Variants in TNIP3 observed in about 807,000 individuals in gnomAD.
The protein encoded by TNIP3 is TNFAIP3 interacting protein 3.
A neutral mutation model predicts 54.1 loss-of-function variants in TNIP3; 34 were observed. The ratio of observed to expected loss-of-function variants is 0.63; its 90% CI spans 0.48 to 0.84. The LOEUF is 0.84. Ranked by LOEUF, TNIP3 falls within the 40% of genes least tolerant of loss-of-function variation. The pLI, the probability that TNIP3 is intolerant of heterozygous loss-of-function variation, is 0.00. For synonymous variants in TNIP3, 134 were observed against 136.8 expected (o/e 0.98, Z 0.14); for missense variants, 366 against 387.6 (o/e 0.94, Z 0.47).
intron 2 of TNIP3, among the ~76,000 whole-genome samples, chr4:121,203,193 A>G (rs1725986704): frequency 6.6e-6 from 1 of 151,200 alleles, no homozygotes; most frequent in Admixed American, 6.6e-5. Flanking sequence ...CCATCAATCA[A>G]TGAGTGGATA....
At chr4:121,159,532 A>G (rs780079075) in intron 2 of TNIP3, among the ~76,000 whole-genome samples, 1 of 152,248 alleles carries the variant, frequency 6.6e-6, no homozygotes, top group Non-Finnish European at 1.5e-5. Context: ...CTTTTAAAGC[A>G]GAATTTATGC....
intron 10 of TNIP3, chr4:121,136,436 A>G (rs573070483): frequency 3.8e-4 from 58 of 152,268 alleles, no homozygotes; most frequent in African/African-American, 1.3e-3. Context: ...GCTAAATTTT[A>G]TTAACTGTGT....
At chr4:121,142,700 T>G in intron 8 of TNIP3, 26 bp downstream of exon 8, 2 of 1,589,238 alleles carry the variant, frequency 1.3e-6, no homozygotes, top group South Asian at 2.2e-5. Context: ...GGAATAAATG[T>G]ATGCGTGAAA....
At chr4:121,201,422 G>T (rs577548635) in intron 2 of TNIP3, among the ~76,000 whole-genome samples, 2 of 152,218 alleles carry the variant, frequency 1.3e-5, no homozygotes, top group East Asian at 3.9e-4. Context: ...GCATTATATT[G>T]TATGTCTCAA....
chr4:121,137,975 C>T (rs1286222266), intron 10 of TNIP3: 2 of 455,906 alleles, frequency 4.4e-6, no homozygotes, highest in Non-Finnish European at 8.8e-6. Flanking sequence ...TGGGTGGCCT[C>T]ACAAGACCAT....
chr4:121,163,973 G>A lies in TNIP3; in HGVS notation c.66+87C>T, dbSNP rs79785996. The stretch of plus-strand genomic sequence containing the variant: ...TAAAGAAAGCAAACTAGCCATTTCT[G>A]TTCTTATTAATAAGTGCACAATTAA... On this transcript the variant is annotated intron_variant, in intron 1 of 10. Transcript: ENST00000057513. 3.4e-6 allele frequency: 5 copies of A among 1,483,216 alleles called. No individual in the cohort carries two copies. In the African/African-American group the frequency reaches 4.2e-5, roughly 12 times the overall value. 91.9% of individuals were successfully genotyped at this position (1,483,216 alleles called of 1,614,324 possible).
At chr4:121,227,313 G>A in intron 1 of TNIP3, 9 of 1,396,160 alleles carry the variant, frequency 6.4e-6, no homozygotes, top group Middle Eastern at 1.8e-4. Flanking sequence ...TTTTAAAAAA[G>A]AAATTAAGTT....
At chr4:121,186,169 G>A (rs1188034742) in intron 2 of TNIP3, among the ~76,000 whole-genome samples, 1 of 152,184 alleles carries the variant, frequency 6.6e-6, no homozygotes, top group Non-Finnish European at 1.5e-5. Context: ...TTCAGCCACT[G>A]CAGAAAGAGG....
intron 1 of TNIP3, among the ~76,000 whole-genome samples, chr4:121,224,306 T>C (rs551609088): frequency 4.3e-4 from 65 of 151,514 alleles, no homozygotes; most frequent in Middle Eastern, 3.4e-3. Context: ...GAGGTTGCAG[T>C]GAGCAGAGAT....
intron 10 of TNIP3, among the ~76,000 whole-genome samples, chr4:121,135,276 A>C (rs976136291): frequency 3.3e-5 from 5 of 152,236 alleles, no homozygotes; most frequent in African/African-American, 1.2e-4. Context: ...GTAGCTCTCC[A>C]CTTATTCTTG....
intron 2 of TNIP3, among the ~76,000 whole-genome samples, chr4:121,199,699 G>A (rs1489201232): frequency 2.0e-5 from 3 of 152,202 alleles, no homozygotes; most frequent in African/African-American, 7.2e-5. Context: ...AGAGAAAGCT[G>A]ATCATGTAAA....
chr4:121,132,215 C>CAA lies in TNIP3; in HGVS notation c.*415_*416insTT, dbSNP rs2148789582. 1.5e-5 allele frequency: 1 copy of CAA among 65,930 alleles called. No homozygotes were observed. Among genetic ancestry groups the CAA allele is most frequent in the South Asian group, 3.9e-4 (1 of 2,542 alleles). The allele number at this position is 65,930 out of a possible 1,614,324, so 4.1% of individuals were successfully genotyped here. A position where few individuals can be genotyped will look rare whatever the true frequency, so the allele number is the denominator to read the frequency against. ...CTGCAGAAATTTTTACCCCAGGAAA[C>CAA]ACACACACACACACACACACACACA... On this transcript the variant is annotated 3_prime_UTR_variant, in exon 11 of 11. Coordinates refer to ENST00000057513, the MANE Select transcript of TNIP3 (RefSeq NM_024873.6).
rs966456108 is a variant in TNIP3 at position 121,169,962 on chromosome 4, G to A, written c.190-5816C>T. 4.6e-5 allele frequency among the ~76,000 whole-genome samples: 7 copies of A among 152,160 alleles called. No homozygotes were observed. In the East Asian group the frequency reaches 7.7e-4, roughly 17 times the overall value. On this transcript the variant is annotated intron_variant, in intron 3 of 12. Coordinates refer to the TNIP3 transcript ENST00000507879. Reference sequence around the variant, plus strand: ...AGAAGGCAAATTGGCTTTTGTTGACGAGTCTGCAGCCTCTACAAAACTGCA... The same window carrying A: ...AGAAGGCAAATTGGCTTTTGTTGACAAGTCTGCAGCCTCTACAAAACTGCA...
rs1726000749 is a variant in TNIP3 at position 121,203,257 on chromosome 4, A to ATAGT, written c.68+13157_68+13158insACTA. Among the ~76,000 whole-genome samples, 4 of 152,168 alleles carry ATAGT rather than the reference A, an allele frequency of 2.6e-5. No individual in the cohort carries two copies. The South Asian group carries it at 8.4e-4, about 32-fold the overall frequency. On this transcript the variant is annotated intron_variant, in intron 2 of 12. Coordinates refer to the TNIP3 transcript ENST00000507879. ...GATAGATAGATAGATAGATAGATAG[A>ATAGT]TAGAAAGATACCATGAAATACTATT...
At chr4:121,227,480 AAC>A (rs1727307658), upstream of TNIP3, 1 of 1,135,740 alleles carries the variant, frequency 8.8e-7, no homozygotes, top group East Asian at 2.6e-5. Flanking sequence ...ATCAAACAGT[AAC>A]TAAGTGGTTT....
intron 9 of TNIP3, among the ~76,000 whole-genome samples, chr4:121,139,573 G>A (rs958246705): frequency 2.0e-5 from 3 of 152,084 alleles, no homozygotes; most frequent in Non-Finnish European, 4.4e-5. Context: ...AATAACTTGA[G>A]GAAAATTTTT....
upstream of TNIP3, among the ~76,000 whole-genome samples, chr4:121,169,253 G>A (rs997061768): frequency 6.6e-6 from 1 of 152,002 alleles, no homozygotes; most frequent in Non-Finnish European, 1.5e-5. Flanking sequence ...GCCATGCCCT[G>A]GCCACACCGT....
At chr4:121,162,966 C>G (rs546621672) in intron 1 of TNIP3, among the ~76,000 whole-genome samples, 1 of 152,192 alleles carries the variant, frequency 6.6e-6, no homozygotes. Context: ...AGACAGTGTG[C>G]TTTTTGTTTG....
rs535458469 is a variant in TNIP3 at position 121,188,993 on chromosome 4, C to A, written c.69-6197G>T. Among the ~76,000 whole-genome samples, 3 of 152,232 alleles carry A rather than the reference C, an allele frequency of 2.0e-5. No homozygotes were observed. The South Asian group carries it at 6.2e-4, about 32-fold the overall frequency. ...ACTTGGTTTTTATGGTTACATGGTACGGTTGCCTCATTAGTATTGGCAAGT... is the reference window on the plus strand; with the variant it reads ...ACTTGGTTTTTATGGTTACATGGTAAGGTTGCCTCATTAGTATTGGCAAGT... On this transcript the variant is annotated intron_variant, in intron 2 of 12. Coordinates refer to the TNIP3 transcript ENST00000507879.
Sources: gnomAD v4.1 joint callset for allele counts (sites outside exome capture counted in the v4.1 genomes callset) on GRCh38, gnomAD v4.1.1 for gene constraint, MANE v1.5 for transcripts, NCBI Gene and HGNC (gene_info 2026-07-23, HGNC 2026-07-21) for gene names.